The following LAMA2 variants were observed in gnomAD, a reference collection of about 807,000 sequenced individuals.
LAMA2 encodes laminin subunit alpha 2, also known as laminin subunit alpha-2.
LAMA2 carries 269 observed loss-of-function variants against 364.8 expected under a neutral mutation model. That is an observed-to-expected ratio of 0.74 (90% CI 0.67 to 0.82). LAMA2 has a LOEUF of 0.82. Among genes scored for constraint, LAMA2 ranks in the 40% least tolerant of loss-of-function variants. The pLI is 0.00. For synonymous variants in LAMA2, 1,379 were observed against 1,370.6 expected (o/e 1.01, Z -0.14); for missense variants, 3,807 against 3,873.2 (o/e 0.98, Z 0.45).
chr6:129,473,359 T>C lies in LAMA2; in HGVS notation c.7439+7T>C, dbSNP rs2114823926. On this transcript the variant is annotated splice_region_variant and intron_variant, in intron 52 of 64. Coordinates refer to ENST00000421865, the MANE Select transcript of LAMA2 (RefSeq NM_000426.4). The stretch of plus-strand genomic sequence containing the variant: ...CAACGCTGAGAAACTTGAGGTAATT[T>C]AGTTTATATGTAAAGCTAAGGATTA... 1 of 1,611,432 alleles carries C rather than the reference T, an allele frequency of 6.2e-7. No individual in the cohort carries two copies. Among genetic ancestry groups the C allele is most frequent in the Non-Finnish European group, 8.5e-7 (1 of 1,178,136 alleles).
At chr6:129,413,568 A>G (rs1780641998) in intron 40 of LAMA2, among the ~76,000 whole-genome samples, 1 of 152,170 alleles carries the variant, frequency 6.6e-6, no homozygotes, top group Admixed American at 6.5e-5. Flanking sequence ...ATCCAATAGC[A>G]TCTAGACTAC....
intron 35 of LAMA2, among the ~76,000 whole-genome samples, chr6:129,390,105 G>A (rs1779239727): frequency 6.6e-6 from 1 of 152,128 alleles, no homozygotes; most frequent in African/African-American, 2.4e-5. Flanking sequence ...TTATAAAGAT[G>A]CATTGTGGAA....
At chr6:129,379,591 GGCCCTGAAGA>G (rs1778565604) in intron 34 of LAMA2, among the ~76,000 whole-genome samples, 1 of 152,026 alleles carries the variant, frequency 6.6e-6, no homozygotes. Context: ...GCACTGTGCT[GGCCCTGAAGA>G]GTCTTCCTAC....
At chr6:128,929,599 C>T (rs1779322329) in intron 1 of LAMA2, 3 of 1,331,662 alleles carry the variant, frequency 2.3e-6, no homozygotes, top group Non-Finnish European at 3.2e-6. Context: ...CCCCAGATGC[C>T]GCAAAAGCGC....
rs773970569 is a variant in LAMA2 at position 129,464,459 on chromosome 6, A to T, written c.7155+7A>T. ...TCTTGCCACACGAGACCTGGTAAAG[A>T]TCATATGCATAGCAGAGTTTCCGTG... On this transcript the variant is annotated splice_region_variant and intron_variant, in intron 50 of 64. Transcript: ENST00000421865. The T allele has an allele frequency of 1.9e-6, 3 of 1,608,698 alleles. No homozygotes were observed. The highest frequency in any genetic ancestry group is 2.6e-6 in the Non-Finnish European group (3 of 1,175,612).
chr6:129,442,951 C>G, intron 43 of LAMA2, 112 bp from the exon 44 acceptor site: 1 of 721,268 alleles, frequency 1.4e-6, no homozygotes, highest in Non-Finnish European at 2.4e-6. Context: ...ATAATTAGTA[C>G]CTGTTATGAA....
At chr6:129,308,168 G>A (rs956641043) in intron 22 of LAMA2, among the ~76,000 whole-genome samples, 3 of 152,132 alleles carry the variant, frequency 2.0e-5, no homozygotes, top group Non-Finnish European at 4.4e-5. Context: ...ATTGTCAATA[G>A]CATTATTAAG....
Position 129,404,290 on chromosome 6 carries a change from A to T in LAMA2, c.5865+331A>T, listed in dbSNP as rs34988037. Among the ~76,000 whole-genome samples the T allele has an allele frequency of 3.1e-4, 47 of 151,530 alleles. 1 individual carries two copies. The highest frequency in any genetic ancestry group is 9.2e-4 in the African/African-American group (38 of 41,290). ...TTATCTCAAATGGCATTAGTAAAAAAGAAAAAAAAGTAACCATTGTATATA... is the reference window on the plus strand; with the variant it reads ...TTATCTCAAATGGCATTAGTAAAAATGAAAAAAAAGTAACCATTGTATATA... On this transcript the variant is annotated intron_variant, in intron 40 of 64. Coordinates refer to ENST00000421865, the MANE Select transcript of LAMA2 (RefSeq NM_000426.4).
chr6:129,259,132 A>C (rs913334050), intron 14 of LAMA2, among the ~76,000 whole-genome samples: 4 of 152,106 alleles, frequency 2.6e-5, no homozygotes, highest in Admixed American at 2.6e-4. Flanking sequence ...AAGTACTGTC[A>C]AGTGTCTAGG....
intron 1 of LAMA2, among the ~76,000 whole-genome samples, chr6:128,938,666 T>G (rs1343071317): frequency 6.6e-6 from 1 of 152,216 alleles, no homozygotes; most frequent in South Asian, 2.1e-4. Context: ...TTCGGAGAAG[T>G]ATTCTTTCTC....
intron 20 of LAMA2, among the ~76,000 whole-genome samples, chr6:129,294,760 A>G (rs1381335962): frequency 6.6e-6 from 1 of 152,166 alleles, no homozygotes; most frequent in Non-Finnish European, 1.5e-5. Context: ...GGCGCCTCCA[A>G]GGCTGTCTCA....
intron 4 of LAMA2, among the ~76,000 whole-genome samples, chr6:129,139,653 A>C (rs2114951590): frequency 6.6e-6 from 1 of 152,178 alleles, no homozygotes; most frequent in Non-Finnish European, 1.5e-5. Flanking sequence ...TTTTTTACAC[A>C]GTCAAAATAA....
chr6:129,111,215 T>G (rs1008325957), intron 4 of LAMA2, among the ~76,000 whole-genome samples: 1 of 152,002 alleles, frequency 6.6e-6, no homozygotes, highest in African/African-American at 2.4e-5. Context: ...TGTACTATTT[T>G]GCAACACAGC....
chr6:129,087,612 G>T (rs1774456216), intron 3 of LAMA2, among the ~76,000 whole-genome samples: 1 of 152,068 alleles, frequency 6.6e-6, no homozygotes. Context: ...ATTTCAGAAA[G>T]GAGAAGAACA....
chr6:129,022,822 A>G (rs533007468), intron 1 of LAMA2, among the ~76,000 whole-genome samples: 1 of 152,298 alleles, frequency 6.6e-6, no homozygotes, highest in African/African-American at 2.4e-5. Context: ...AGAATCTCTA[A>G]TTTCAAAATA....
At chr6:129,279,999 G>C (rs1788608132) in intron 17 of LAMA2, 62 bp from the exon 18 acceptor site, 2 of 1,070,712 alleles carry the variant, frequency 1.9e-6, no homozygotes, top group Non-Finnish European at 2.9e-6. Flanking sequence ...ATGAGAAAAT[G>C]CTAATGACTT....
intron 1 of LAMA2, among the ~76,000 whole-genome samples, chr6:128,932,343 C>T (rs998827982): frequency 1.4e-4 from 21 of 152,168 alleles, no homozygotes; most frequent in African/African-American, 4.6e-4. Context: ...CGCATTAGAG[C>T]CTCAGAATCA....
chr6:129,515,340 T>C (rs1786963063), intron 64 of LAMA2, among the ~76,000 whole-genome samples: 1 of 152,210 alleles, frequency 6.6e-6, no homozygotes, highest in South Asian at 2.1e-4. Context: ...GCAATGTTGA[T>C]AGAAATGCAA....
chr6:129,025,224 A>G (rs904785329), intron 1 of LAMA2, among the ~76,000 whole-genome samples: 5 of 152,254 alleles, frequency 3.3e-5, no homozygotes, highest in Non-Finnish European at 7.3e-5. Context: ...ACTTTTTTAC[A>G]TAAAGTACAT....
Sources: gnomAD v4.1 joint callset for allele counts (sites outside exome capture counted in the v4.1 genomes callset) on GRCh38, gnomAD v4.1.1 for gene constraint, MANE v1.5 for transcripts, NCBI Gene and HGNC (gene_info 2026-07-23, HGNC 2026-07-21) for gene names.